The following FRMD4B variants were observed in gnomAD, a reference collection of about 807,000 sequenced individuals.
The protein encoded by FRMD4B is FERM domain containing 4B.
A neutral mutation model predicts 141.5 loss-of-function variants in FRMD4B; 74 were observed. The observed-to-expected ratio is 0.52, with a 90% CI of 0.43 to 0.63. The LOEUF is 0.63. Among genes scored for constraint, FRMD4B ranks in the 30% least tolerant of loss-of-function variants. The pLI is 0.00. For synonymous variants in FRMD4B, 506 were observed against 467.9 expected (o/e 1.08, Z -1.05); for missense variants, 1,366 against 1,253.4 (o/e 1.09, Z -1.36).
At chr3:69,389,320 T>G (rs1236693879), upstream of FRMD4B, among the ~76,000 whole-genome samples, 1 of 152,146 alleles carries the variant, frequency 6.6e-6, no homozygotes, top group African/African-American at 2.4e-5. Flanking sequence ...CGTGAGCCAC[T>G]GTGCCAAGCC....
At chr3:69,185,979 T>C (rs2092762250) in intron 19 of FRMD4B, among the ~76,000 whole-genome samples, 1 of 151,572 alleles carries the variant, frequency 6.6e-6, no homozygotes, top group Non-Finnish European at 1.5e-5. Context: ...AAGGTGAAGG[T>C]TGCAGTGAGC....
intron 1 of FRMD4B, among the ~76,000 whole-genome samples, chr3:69,471,168 T>A (rs1705882609): frequency 1.3e-5 from 2 of 152,260 alleles, no homozygotes; most frequent in South Asian, 2.1e-4. Flanking sequence ...GTTTGGTGAG[T>A]TTTTTTCAAA....
intron 1 of FRMD4B, among the ~76,000 whole-genome samples, chr3:69,336,758 G>A (rs2107356523): frequency 6.6e-6 from 1 of 152,104 alleles, no homozygotes; most frequent in East Asian, 1.9e-4. Flanking sequence ...GACCAGCCTG[G>A]GGAGAGAAAC....
At chr3:69,411,004 T>A (rs559130781) in intron 2 of FRMD4B, among the ~76,000 whole-genome samples, 1 of 152,130 alleles carries the variant, frequency 6.6e-6, no homozygotes, top group African/African-American at 2.4e-5. Flanking sequence ...GTGAAATCCA[T>A]GAGTCCCATG....
At chr3:69,193,099 G>A (rs2107640770) in intron 17 of FRMD4B, among the ~76,000 whole-genome samples, 1 of 152,160 alleles carries the variant, frequency 6.6e-6, no homozygotes, top group Admixed American at 6.5e-5. Flanking sequence ...GGGATTATAG[G>A]TGTGGGGCGC....
chr3:69,235,575 C>T (rs991115384), intron 7 of FRMD4B, among the ~76,000 whole-genome samples: 1 of 151,824 alleles, frequency 6.6e-6, no homozygotes, highest in African/African-American at 2.4e-5. Flanking sequence ...AGAAGAATCG[C>T]TTGAGCCTGG....
At chr3:69,173,880 T>C (rs1286514674) in intron 22 of FRMD4B, among the ~76,000 whole-genome samples, 1 of 152,244 alleles carries the variant, frequency 6.6e-6, no homozygotes, top group Non-Finnish European at 1.5e-5. Context: ...GGGTTACACC[T>C]GTAATCCCAG....
intron 7 of FRMD4B, among the ~76,000 whole-genome samples, chr3:69,244,126 G>A (rs2106732091): frequency 6.6e-6 from 1 of 152,286 alleles, no homozygotes; most frequent in Admixed American, 6.5e-5. Context: ...TTTACAGTCA[G>A]GCTGAGTGGG....
chr3:69,225,519 CAAAAAAAA>C (rs35855787), intron 7 of FRMD4B, among the ~76,000 whole-genome samples: 3 of 50,574 alleles, frequency 5.9e-5, no homozygotes, highest in African/African-American at 8.6e-5. Flanking sequence ...ACTAAAAATA[CAAAAAAAA>C]AAAAAAAAAA....
In FRMD4B at chr3:69,263,817, CT is replaced by C. The variant is rs3032130; in HGVS notation, c.502-13719del. ...ATCTGACTGAATGGCAACCCCATTC[CT>C]TTTTTTTTTTTTTTTTTTTTTTTTG... On this transcript the variant is annotated intron_variant, in intron 5 of 22. Transcript: ENST00000398540. Among the ~76,000 whole-genome samples, 568 of 68,470 alleles carry C rather than the reference CT, an allele frequency of 8.3e-3. 1 individual carries two copies. Among genetic ancestry groups the C allele is most frequent in the Admixed American group, 0.037 (142 of 3,860 alleles). The allele number at this position is 68,470 out of a possible 152,430, so 44.9% of individuals were successfully genotyped here.
At chr3:69,467,574 G>A (rs1250471539) in intron 1 of FRMD4B, among the ~76,000 whole-genome samples, 1 of 152,210 alleles carries the variant, frequency 6.6e-6, no homozygotes. Flanking sequence ...CTGTGAGCAA[G>A]TCACCTGACC....
intron 3 of FRMD4B, among the ~76,000 whole-genome samples, chr3:69,309,809 C>T (rs962547261): frequency 1.3e-5 from 2 of 152,018 alleles, no homozygotes; most frequent in Non-Finnish European, 2.9e-5. Context: ...TCTATGTGAC[C>T]TCTGCCTAAA....
At chr3:69,318,581 C>A (rs956657448) in intron 1 of FRMD4B, among the ~76,000 whole-genome samples, 1 of 152,162 alleles carries the variant, frequency 6.6e-6, no homozygotes, top group African/African-American at 2.4e-5. Context: ...GCGCAGCACA[C>A]ATGGTGTTCA....
chr3:69,185,266 A>G (rs2092752928), intron 19 of FRMD4B, among the ~76,000 whole-genome samples: 1 of 148,614 alleles, frequency 6.7e-6, no homozygotes, highest in Admixed American at 7.0e-5. Flanking sequence ...GCACCACTGC[A>G]CTCCAGCCTG....
chr3:69,341,226 A>G (rs7645568), intron 1 of FRMD4B, among the ~76,000 whole-genome samples: 151,516 of 152,324 alleles, frequency 0.99, 75,362 homozygotes, highest in East Asian at 1. Context: ...TTGGAGATGT[A>G]CAGTTACCAC....
chr3:69,472,934 TTTTC>T (rs1160560836), intron 1 of FRMD4B, among the ~76,000 whole-genome samples: 15 of 118,004 alleles, frequency 1.3e-4, no homozygotes, highest in South Asian at 2.9e-4. Context: ...TCTTTTTTTT[TTTTC>T]TTTTTTTTTT....
chr3:69,332,742 A>ATTTTTTTTTT (rs58437578), intron 1 of FRMD4B, among the ~76,000 whole-genome samples: 4 of 67,510 alleles, frequency 5.9e-5, no homozygotes, highest in Admixed American at 2.0e-4. Context: ...ACACCTGGCT[A>ATTTTTTTTTT]TTTTTTTTTT....
intron 4 of FRMD4B, among the ~76,000 whole-genome samples, chr3:69,300,985 C>G (rs1288999001): frequency 3.9e-5 from 6 of 152,152 alleles, no homozygotes; most frequent in African/African-American, 1.2e-4. Flanking sequence ...ATCTGCCTAC[C>G]TCGGCCTCCC....
chr3:69,436,438 A>T (rs1256391269), intron 1 of FRMD4B, among the ~76,000 whole-genome samples: 2 of 152,228 alleles, frequency 1.3e-5, no homozygotes, highest in Non-Finnish European at 2.9e-5. Flanking sequence ...TGAAAGGAAA[A>T]TAAGAAGTGT....
Sources: allele counts gnomAD v4.1 joint callset (sites outside exome capture counted in the v4.1 genomes callset), GRCh38; gene constraint gnomAD v4.1.1; transcripts MANE v1.5; gene names NCBI Gene and HGNC (gene_info 2026-07-23, HGNC 2026-07-21).